The following CYP2C18 variants were observed in gnomAD, a reference collection of about 807,000 sequenced individuals.
CYP2C18 encodes the protein cytochrome P450 family 2 subfamily C member 18.
In CYP2C18, 38 loss-of-function variants were observed where a neutral mutation model predicts 41.3. The ratio of observed to expected loss-of-function variants is 0.92; its 90% CI spans 0.71 to 1.21. The LOEUF (loss-of-function observed/expected upper bound fraction) is 1.21, where lower values mean the gene tolerates loss of function less well. Ranked by LOEUF, CYP2C18 falls within the 50% of genes most tolerant of loss-of-function variation. The pLI, the probability that CYP2C18 is intolerant of heterozygous loss-of-function variation, is 0.00. For missense variants in CYP2C18, 635 were observed against 591.4 expected, an observed-to-expected ratio of 1.07 and a Z score of -0.77; for synonymous variants, 236 against 210.0, an observed-to-expected ratio of 1.12 and a Z score of -1.07.
At chr10:94,692,592 C>G (rs1047459566) in intron 3 of CYP2C18, among the ~76,000 whole-genome samples, 12 of 152,120 alleles carry the variant, frequency 7.9e-5, no homozygotes, top group African/African-American at 2.9e-4. Flanking sequence ...ACTAGTTTAA[C>G]CATTGTGGAA....
Position 94,727,543 on chromosome 10 carries a change from AGGTTGACGCTGCTGTGAGCTATGGTC to A in CYP2C18, c.1149+3012_1149+3037del, listed in dbSNP as rs1437545891. On this transcript the variant is annotated intron_variant, in intron 7 of 8. Transcript: ENST00000285979. ...AGTGGGAGGATTGCTGGTGTCCAAG[AGGTTGACGCTGCTGTGAGCTATGGTC>A]GTACCACTGTACTCCAGCCTGGGTG... Among the ~76,000 whole-genome samples the A allele has an allele frequency of 5.9e-5, 9 of 151,726 alleles. No individual in the cohort carries two copies. The East Asian group carries it at 1.2e-3, about 20-fold the overall frequency.
chr10:94,696,643 G>C (rs1011768514), intron 4 of CYP2C18, among the ~76,000 whole-genome samples: 2 of 152,136 alleles, frequency 1.3e-5, no homozygotes, highest in Non-Finnish European at 2.9e-5. Flanking sequence ...TGACTTTGAC[G>C]AGTTGAGAGA....
At chr10:94,712,158 A>T (rs1016864619) in intron 5 of CYP2C18, among the ~76,000 whole-genome samples, 186 of 142,356 alleles carry the variant, frequency 1.3e-3, no homozygotes, top group Middle Eastern at 7.3e-3. Flanking sequence ...TCTTTTTCCA[A>T]TTTTTTTTTT....
At position 94,700,395 on chromosome 10, in the gene CYP2C18, T is replaced by G. The variant is rs140420150; in HGVS notation, c.642+5318T>G. ...AATGGGGAGAGGATTCCCTATTTAA[T>G]AAATGGTGCTGGTAAAACTGGCTAG... On this transcript the variant is annotated intron_variant, in intron 4 of 8. Coordinates refer to ENST00000285979, the MANE Select transcript of CYP2C18 (RefSeq NM_000772.3). 3.1e-3 allele frequency among the ~76,000 whole-genome samples: 472 copies of G among 152,328 alleles called. 3 individuals are homozygous for G. The highest frequency in any genetic ancestry group is 0.011 in the African/African-American group (445 of 41,566).
intron 4 of CYP2C18, among the ~76,000 whole-genome samples, chr10:94,697,658 A>G (rs1390303084): frequency 2.6e-5 from 4 of 152,254 alleles, no homozygotes; most frequent in Admixed American, 6.5e-5. Flanking sequence ...AATGGGTTAA[A>G]TGCTCCAATT....
At chr10:94,728,002 A>C (rs1847772035) in intron 7 of CYP2C18, among the ~76,000 whole-genome samples, 1 of 152,202 alleles carries the variant, frequency 6.6e-6, no homozygotes, top group African/African-American at 2.4e-5. Flanking sequence ...ATATCTTATA[A>C]CTACATTTTC....
At chr10:94,711,141 C>T (rs1847428765) in intron 5 of CYP2C18, among the ~76,000 whole-genome samples, 2 of 152,154 alleles carry the variant, frequency 1.3e-5, no homozygotes, top group Non-Finnish European at 2.9e-5. Context: ...TGCCCTTACT[C>T]TCTCCTTCAT....
intron 5 of CYP2C18, among the ~76,000 whole-genome samples, chr10:94,718,347 A>C (rs1373265832): frequency 1.1e-4 from 16 of 151,974 alleles, no homozygotes; most frequent in Admixed American, 1.1e-3. Context: ...TTTTTTGGTG[A>C]TGTGTTTAAG....
At position 94,724,567 on chromosome 10, in the gene CYP2C18, C is replaced by T. The variant is rs756155200; in HGVS notation, c.1149+34C>T. The stretch of plus-strand genomic sequence containing the variant: ...GTTTCTCCTACACTACATCTCCATG[C>T]TCTTCAAGTCCCCAAATTCATAGTA... On this transcript the variant is annotated intron_variant, in intron 7 of 8. Coordinates refer to ENST00000285979, the MANE Select transcript of CYP2C18 (RefSeq NM_000772.3). 6.3e-6 allele frequency: 10 copies of T among 1,577,694 alleles called. No individual in the cohort carries two copies. In the Admixed American group the frequency reaches 8.4e-5, roughly 13 times the overall value.
At chr10:94,717,199 T>A (rs1174245858) in intron 5 of CYP2C18, among the ~76,000 whole-genome samples, 1 of 152,178 alleles carries the variant, frequency 6.6e-6, no homozygotes, top group Admixed American at 6.5e-5. Context: ...TTAATATTGT[T>A]ATGTGTGAAT....
chr10:94,697,042 T>G (rs1172947062), intron 4 of CYP2C18, among the ~76,000 whole-genome samples: 2 of 152,172 alleles, frequency 1.3e-5, no homozygotes, highest in African/African-American at 4.8e-5. Context: ...TGGAACCAAG[T>G]TGGAAAACAC....
chr10:94,692,098 T>C (rs1847011217), intron 3 of CYP2C18, among the ~76,000 whole-genome samples: 2 of 152,070 alleles, frequency 1.3e-5, no homozygotes, highest in East Asian at 1.9e-4. Flanking sequence ...CAATACCATT[T>C]AGGACATAGG....
intron 3 of CYP2C18, among the ~76,000 whole-genome samples, chr10:94,690,439 A>G (rs1846975527): frequency 6.6e-6 from 1 of 152,220 alleles, no homozygotes; most frequent in Non-Finnish European, 1.5e-5. Context: ...TCTAGAAGAA[A>G]TGGATAAATT....
At chr10:94,735,135 C>G in intron 8 of CYP2C18, 128 bp from the exon 9 acceptor site, 1 of 925,118 alleles carries the variant, frequency 1.1e-6, no homozygotes, top group Non-Finnish European at 1.7e-6. Flanking sequence ...ATCCAGCCAT[C>G]CTTCCAGTCA....
rs1280430234 is a variant in CYP2C18 at position 94,735,129 on chromosome 10, A to G, written c.1292-134A>G. The G allele has an allele frequency of 4.5e-6, 4 of 881,726 alleles. No homozygotes were observed. In the East Asian group the frequency reaches 1.0e-4, roughly 23 times the overall value. The allele number at this position is 881,726 out of a possible 1,614,324, so 54.6% of individuals were successfully genotyped here. ...TTCATTTTTGTTTTTCTGTGTATCC[A>G]GCCATCCTTCCAGTCATTCTGCCTT... On this transcript the variant is annotated intron_variant, in intron 8 of 8. Transcript: ENST00000285979.
At chr10:94,734,030 G>C (rs1847877936) in intron 8 of CYP2C18, among the ~76,000 whole-genome samples, 1 of 152,014 alleles carries the variant, frequency 6.6e-6, no homozygotes, top group African/African-American at 2.4e-5. Flanking sequence ...ACTTCCAAGA[G>C]GAAGGAAACT....
chr10:94,695,846 A>G (rs1348316896), intron 4 of CYP2C18, among the ~76,000 whole-genome samples: 2 of 152,152 alleles, frequency 1.3e-5, no homozygotes, highest in Non-Finnish European at 2.9e-5. Context: ...TCCTTTGCAT[A>G]GCTCAGAGGG....
chr10:94,718,245 C>G (rs1847589530), intron 5 of CYP2C18, among the ~76,000 whole-genome samples: 1 of 151,520 alleles, frequency 6.6e-6, no homozygotes, highest in African/African-American at 2.4e-5. Context: ...TTTTTCATAT[C>G]ATTTGTTGTT....
chr10:94,711,157 A>G (rs1160748053), intron 5 of CYP2C18, among the ~76,000 whole-genome samples: 1 of 152,060 alleles, frequency 6.6e-6, no homozygotes, highest in African/African-American at 2.4e-5. Flanking sequence ...TTCATCCTGT[A>G]TAGGTGGTTA....
Sources: gnomAD v4.1 joint callset for allele counts (sites outside exome capture counted in the v4.1 genomes callset) on GRCh38, gnomAD v4.1.1 for gene constraint, MANE v1.5 for transcripts, NCBI Gene and HGNC (gene_info 2026-07-23, HGNC 2026-07-21) for gene names.